The following RUFY3 variants were observed in gnomAD, a reference collection of about 807,000 sequenced individuals.
RUFY3 encodes RUN and FYVE domain containing 3.
In RUFY3, 34 loss-of-function variants were observed where a neutral mutation model predicts 84.0. The ratio of observed to expected loss-of-function variants is 0.40; its 90% confidence interval spans 0.31 to 0.54. The LOEUF is 0.54. RUFY3 is among the 20% of genes least tolerant of loss of function. RUFY3 has a pLI of 0.39. For missense variants in RUFY3, 507 were observed against 736.8 expected (o/e 0.69, Z 3.61); for synonymous variants, 242 against 252.9 (o/e 0.96, Z 0.41).
chr4:70,790,609 A>T (rs1399856987), intron 12 of RUFY3, among the ~76,000 whole-genome samples: 1 of 152,206 alleles, frequency 6.6e-6, no homozygotes, highest in Non-Finnish European at 1.5e-5. Flanking sequence ...CCATAGCTTC[A>T]TACTCATATC....
chr4:70,768,292 C>T (rs775217180), intron 4 of RUFY3, among the ~76,000 whole-genome samples: 2 of 152,108 alleles, frequency 1.3e-5, no homozygotes, highest in Admixed American at 6.5e-5. Context: ...TCTATTCATG[C>T]GCCTATTATT....
chr4:70,754,155 T>C (rs1442021146), intron 1 of RUFY3, among the ~76,000 whole-genome samples: 1 of 151,910 alleles, frequency 6.6e-6, no homozygotes, highest in East Asian at 1.9e-4. Flanking sequence ...CGGGTTCAAG[T>C]GATTCTCCTG....
rs1021751101 is a variant in RUFY3, at chr4:70,749,459, A to G, written c.179-13060A>G. On this transcript the variant is annotated intron_variant, in intron 1 of 17. Coordinates refer to ENST00000381006, the MANE Select transcript of RUFY3 (RefSeq NM_001037442.4). ...TACCTAACCAAGAATGAGTAAGAGT[A>G]TATGAAAATAATGGTTTTGGTTAAG... Among the ~76,000 whole-genome samples the G allele has an allele frequency of 2.6e-5, 4 of 151,912 alleles. No homozygotes were observed. In the East Asian group the frequency reaches 7.7e-4, roughly 29 times the overall value.
intron 1 of RUFY3, among the ~76,000 whole-genome samples, chr4:70,738,306 T>A (rs1578021660): frequency 6.7e-6 from 1 of 148,900 alleles, no homozygotes; most frequent in South Asian, 2.1e-4. Flanking sequence ...CTTGTAAAGC[T>A]TATGTCATAC....
intron 1 of RUFY3, among the ~76,000 whole-genome samples, chr4:70,708,352 T>A (rs561667169): frequency 7.2e-5 from 11 of 151,914 alleles, no homozygotes; most frequent in South Asian, 6.2e-4. Flanking sequence ...TTTTTTGTAT[T>A]TTAGTAGAGA....
chr4:70,778,216 CACA>C (rs1207733469), intron 7 of RUFY3, among the ~76,000 whole-genome samples, 150 bp from the exon 8 acceptor site: 2 of 152,016 alleles, frequency 1.3e-5, no homozygotes, highest in East Asian at 1.9e-4. Flanking sequence ...GTCTCAGCGA[CACA>C]ACGAGACTCC....
intron 7 of RUFY3, among the ~76,000 whole-genome samples, chr4:70,777,329 C>T (rs935712301): frequency 6.6e-6 from 1 of 152,132 alleles, no homozygotes; most frequent in African/African-American, 2.4e-5. Flanking sequence ...TATCCAAAAG[C>T]TATTGGTATT....
chr4:70,740,245 G>C (rs13353608), intron 1 of RUFY3, among the ~76,000 whole-genome samples: 13,989 of 152,128 alleles, frequency 0.092, 1,378 homozygotes, highest in African/African-American at 0.24. Context: ...AGACCTTTTA[G>C]TTTCTGGGGG....
chr4:70,793,400 C>A, intron 12 of RUFY3: 1 of 1,057,630 alleles, frequency 9.5e-7, no homozygotes, highest in Non-Finnish European at 1.1e-6. Flanking sequence ...AATTAAGTAC[C>A]AAACCTATTA....
Position 70,808,177 on chromosome 4 carries a change from T to G in RUFY3, c.*1518T>G, listed in dbSNP as rs1218653650. On this transcript the variant is annotated 3_prime_UTR_variant, in exon 18 of 18. Transcript: ENST00000381006. ...TCAGTAAATTCAAGTTTTGCTTTTTTGGAACTTTGTGGAATTTTTCTTTTT... is the reference window on the plus strand; with the variant it reads ...TCAGTAAATTCAAGTTTTGCTTTTTGGGAACTTTGTGGAATTTTTCTTTTT... Among the ~76,000 whole-genome samples the G allele has an allele frequency of 6.6e-6, 1 of 152,208 alleles. No individual in the cohort carries two copies. The highest frequency in any genetic ancestry group is 2.4e-5 in the African/African-American group (1 of 41,450).
intron 5 of RUFY3, among the ~76,000 whole-genome samples, chr4:70,771,571 A>AT (rs1402520705): frequency 1.3e-5 from 2 of 152,178 alleles, no homozygotes; most frequent in Non-Finnish European, 2.9e-5. Flanking sequence ...TCTCACTGTC[A>AT]TCCAGGCCGG....
chr4:70,806,008 C>T (rs1355330781), intron 17 of RUFY3, among the ~76,000 whole-genome samples: 1 of 152,208 alleles, frequency 6.6e-6, no homozygotes, highest in East Asian at 1.9e-4. Context: ...AGCTGTGCTC[C>T]TGCTGCATTG....
At chr4:70,721,403 T>C (rs28715060), upstream of RUFY3, among the ~76,000 whole-genome samples, 15,038 of 152,144 alleles carry the variant, frequency 0.099, 1,603 homozygotes, top group African/African-American at 0.27. Context: ...GGAAAGATTT[T>C]ACTTTTTTAA....
intron 1 of RUFY3, among the ~76,000 whole-genome samples, chr4:70,726,383 A>G (rs1411665367): frequency 2.0e-5 from 3 of 151,870 alleles, no homozygotes; most frequent in Non-Finnish European, 4.4e-5. Flanking sequence ...CTTTTTTTTG[A>G]GACAGTTTCG....
intron 10 of RUFY3, among the ~76,000 whole-genome samples, chr4:70,788,429 C>A (rs1730273777): frequency 6.6e-6 from 1 of 152,118 alleles, no homozygotes; most frequent in Non-Finnish European, 1.5e-5. Flanking sequence ...AGGAGGACTG[C>A]AACTGCTTCA....
At chr4:70,806,368 C>A in intron 17 of RUFY3, 148 bp from the exon 18 acceptor site, 1 of 857,162 alleles carries the variant, frequency 1.2e-6, no homozygotes, top group Non-Finnish European at 1.8e-6. Flanking sequence ...TAGATTGGGC[C>A]TGTGTTCAGA....
In RUFY3 at chr4:70,721,965, G is replaced by T; in HGVS notation, c.-609G>T. 1 of 1,232,096 alleles carries T rather than the reference G, an allele frequency of 8.1e-7. No homozygotes were observed. Among genetic ancestry groups the T allele is most frequent in the Non-Finnish European group, 1.0e-6 (1 of 987,962 alleles). 76.3% of individuals were successfully genotyped at this position (1,232,096 alleles called of 1,614,324 possible). A position where few individuals can be genotyped will look rare whatever the true frequency, so the allele number is the denominator to read the frequency against. On this transcript the variant is annotated 5_prime_UTR_variant, in exon 1 of 18. Transcript: ENST00000381006. The stretch of plus-strand genomic sequence containing the variant: ...CACATGAGCCTGAATTTTCAGTTCA[G>T]TTCATTAGTCAGCCATTTTGGTCAA...
In RUFY3 at chr4:70,808,526, G is replaced by GGAAA. The variant is rs1412180304; in HGVS notation, c.*1870_*1873dup. 6.6e-6 allele frequency among the ~76,000 whole-genome samples: 1 copy of GGAAA among 152,010 alleles called. No individual in the cohort carries two copies. Among genetic ancestry groups the GGAAA allele is most frequent in the Non-Finnish European group, 1.5e-5 (1 of 67,970 alleles). ...CTTGGAAAGAGTTAACAACAGCCTG[G>GGAAA]GAAAGAGTTGTTATTCCAAAAGTCA... On this transcript the variant is annotated 3_prime_UTR_variant, in exon 18 of 18. Coordinates refer to ENST00000381006, the MANE Select transcript of RUFY3 (RefSeq NM_001037442.4).
At chr4:70,750,843 G>A (rs2148671610) in intron 1 of RUFY3, among the ~76,000 whole-genome samples, 2 of 152,198 alleles carry the variant, frequency 1.3e-5, no homozygotes, top group Middle Eastern at 6.8e-3. Flanking sequence ...AATAAAATAT[G>A]TGGTCTTTTG....
Sources: gnomAD v4.1 joint callset for allele counts (sites outside exome capture counted in the v4.1 genomes callset) on GRCh38, gnomAD v4.1.1 for gene constraint, MANE v1.5 for transcripts, NCBI Gene and HGNC (gene_info 2026-07-23, HGNC 2026-07-21) for gene names.